Variants in THSD4 observed in about 807,000 individuals in gnomAD.
THSD4 encodes the protein thrombospondin type-1 domain-containing protein 4.
Under a neutral mutation model 119.0 loss-of-function variants are expected in THSD4, and 69 were observed. The ratio of observed to expected loss-of-function variants is 0.58; its 90% confidence interval spans 0.48 to 0.71. The LOEUF (loss-of-function observed/expected upper bound fraction) is 0.71. Among genes scored for constraint, THSD4 ranks in the 30% least tolerant of loss-of-function variants. THSD4 has a pLI of 0.00. For synonymous variants in THSD4, 524 were observed against 540.4 expected, an observed-to-expected ratio of 0.97 and a Z score of 0.42; for missense variants, 1,393 against 1,391.1, an observed-to-expected ratio of 1.00 and a Z score of -0.02.
chr15:71,126,131 A>G (rs1317679954), intron 1 of THSD4, among the ~76,000 whole-genome samples: 2 of 152,168 alleles, frequency 1.3e-5, no homozygotes, highest in African/African-American at 4.8e-5. Context: ...ATCCATTTCC[A>G]TCTCCGGGAC....
chr15:71,200,059 G>T (rs2043789166), intron 3 of THSD4, among the ~76,000 whole-genome samples: 1 of 152,024 alleles, frequency 6.6e-6, no homozygotes, highest in African/African-American at 2.4e-5. Flanking sequence ...CCATCCCTAG[G>T]CTTCTCCTTC....
At chr15:71,711,094 T>C (rs201731348) in intron 8 of THSD4, among the ~76,000 whole-genome samples, 1 of 147,722 alleles carries the variant, frequency 6.8e-6, no homozygotes, top group Non-Finnish European at 1.5e-5. Context: ...TATATATATA[T>C]ACATATATAT....
chr15:71,767,973 T>A (rs2053743369), intron 16 of THSD4, among the ~76,000 whole-genome samples: 1 of 152,160 alleles, frequency 6.6e-6, no homozygotes, highest in Non-Finnish European at 1.5e-5. Flanking sequence ...TTTAAATCCA[T>A]CCATTTACAA....
chr15:71,340,975 A>G (rs954729203), intron 6 of THSD4, among the ~76,000 whole-genome samples: 3 of 152,070 alleles, frequency 2.0e-5, no homozygotes, highest in Admixed American at 6.5e-5. Context: ...ACTGGTCCCT[A>G]CAGTTCCTGG....
chr15:71,588,419 T>TA (rs1397177459), intron 7 of THSD4, among the ~76,000 whole-genome samples: 2 of 151,438 alleles, frequency 1.3e-5, no homozygotes, highest in South Asian at 2.1e-4. Context: ...TAATTTTTTT[T>TA]AATTTATTTA....
At chr15:71,555,813 A>G (rs1296422880) in intron 7 of THSD4, among the ~76,000 whole-genome samples, 2 of 152,200 alleles carry the variant, frequency 1.3e-5, no homozygotes, top group Non-Finnish European at 2.9e-5. Flanking sequence ...TGTATGGGGT[A>G]AATAAGGGAT....
At chr15:71,344,595 C>T (rs1187846926) in intron 6 of THSD4, among the ~76,000 whole-genome samples, 2 of 152,160 alleles carry the variant, frequency 1.3e-5, no homozygotes, top group African/African-American at 4.8e-5. Flanking sequence ...CCACAGTACT[C>T]AGCACTGTGC....
At chr15:71,518,518 T>C (rs2048393220) in intron 7 of THSD4, among the ~76,000 whole-genome samples, 1 of 152,314 alleles carries the variant, frequency 6.6e-6, no homozygotes, top group African/African-American at 2.4e-5. Flanking sequence ...ACTTTAATCT[T>C]AGTAAAGTTT....
At chr15:71,644,140 CAGT>C (rs1344941150) in intron 7 of THSD4, among the ~76,000 whole-genome samples, 2 of 152,272 alleles carry the variant, frequency 1.3e-5, no homozygotes, top group African/African-American at 2.4e-5. Context: ...CAACAGAAAA[CAGT>C]AGGACTCAGG....
At position 71,338,527 on chromosome 15, in the gene THSD4, G is replaced by A. The variant is rs530048389; in HGVS notation, c.1016-73160G>A. On this transcript the variant is annotated intron_variant, in intron 6 of 17. Coordinates refer to ENST00000261862, the MANE Select transcript of THSD4 (RefSeq NM_024817.3). ...ATCTACTCTGCAGTGAGGTTCTTTC[G>A]GCTCTGATTTCTCCTTTTATGGTGT... Among the ~76,000 whole-genome samples, 21 of 152,132 alleles carry A rather than the reference G, an allele frequency of 1.4e-4. No homozygotes were observed. The South Asian group carries it at 2.9e-3, about 21-fold the overall frequency.
intron 15 of THSD4, among the ~76,000 whole-genome samples, chr15:71,761,120 T>A (rs1279150765): frequency 1.3e-5 from 2 of 152,216 alleles, no homozygotes; most frequent in Non-Finnish European, 2.9e-5. Context: ...GTGTTTTCTA[T>A]TTTCATGCTT....
intron 15 of THSD4, among the ~76,000 whole-genome samples, chr15:71,759,144 G>A (rs964207060): frequency 6.6e-5 from 10 of 152,178 alleles, no homozygotes; most frequent in African/African-American, 2.4e-4. Flanking sequence ...GAAATAGAAT[G>A]TGAAAATATT....
intron 7 of THSD4, among the ~76,000 whole-genome samples, chr15:71,465,670 T>C (rs1319028415): frequency 6.6e-6 from 1 of 152,224 alleles, no homozygotes; most frequent in Non-Finnish European, 1.5e-5. Flanking sequence ...GTCTGTTGCA[T>C]TGTCGGTATT....
At chr15:71,337,684 C>T (rs971097487) in intron 6 of THSD4, among the ~76,000 whole-genome samples, 3 of 151,748 alleles carry the variant, frequency 2.0e-5, no homozygotes, top group Admixed American at 1.3e-4. Flanking sequence ...AGAGAGGGCC[C>T]CTCAGCCAGG....
At chr15:71,538,795 C>T (rs980690041) in intron 7 of THSD4, among the ~76,000 whole-genome samples, 2 of 152,206 alleles carry the variant, frequency 1.3e-5, no homozygotes, top group African/African-American at 4.8e-5. Context: ...ATACAGTCAA[C>T]ATGAGAATGG....
At chr15:71,381,740 G>A (rs911602876) in intron 6 of THSD4, among the ~76,000 whole-genome samples, 1 of 152,092 alleles carries the variant, frequency 6.6e-6, no homozygotes, top group Non-Finnish European at 1.5e-5. Flanking sequence ...TAACATAACT[G>A]AAATTATGAC....
rs563059690 is a variant in THSD4, at chr15:71,672,470, C to A, written c.1357+11736C>A. 3.5e-4 allele frequency among the ~76,000 whole-genome samples: 53 copies of A among 152,246 alleles called. No homozygotes were observed. In the South Asian group the frequency reaches 9.1e-3, roughly 26 times the overall value. ...GACTTCCTCTTTTCCTAATTGAATA[C>A]CCTTTTATTTCTTTCTCTGGCCTGA... On this transcript the variant is annotated intron_variant, in intron 8 of 17. Coordinates refer to ENST00000261862, the MANE Select transcript of THSD4 (RefSeq NM_024817.3).
At chr15:71,651,594 A>G in intron 7 of THSD4, among the ~76,000 whole-genome samples, 1 of 152,132 alleles carries the variant, frequency 6.6e-6, no homozygotes, top group South Asian at 2.1e-4. Context: ...CACAGATTTT[A>G]AAGCATTTTT....
At chr15:71,687,724 C>T (rs2141043451) in intron 8 of THSD4, among the ~76,000 whole-genome samples, 1 of 145,874 alleles carries the variant, frequency 6.9e-6, no homozygotes, top group East Asian at 2.1e-4. Context: ...CATTACACTC[C>T]AGTCTGGGCA....
Sources: gnomAD v4.1 joint callset for allele counts (sites outside exome capture counted in the v4.1 genomes callset) on GRCh38, gnomAD v4.1.1 for gene constraint, MANE v1.5 for transcripts, NCBI Gene and HGNC (gene_info 2026-07-23, HGNC 2026-07-21) for gene names.